The following CASKIN2 variants were observed in gnomAD, a reference collection of about 807,000 sequenced individuals.
The protein encoded by CASKIN2 is caskin-2.
In CASKIN2, 41 loss-of-function variants were observed where a neutral mutation model predicts 107.1. That is an observed-to-expected ratio of 0.38 (90% CI 0.30 to 0.50). CASKIN2 has a LOEUF of 0.50. CASKIN2 is among the 20% of genes least tolerant of loss of function. CASKIN2 has a pLI of 0.92. For missense variants in CASKIN2, 1,546 were observed against 1,657.4 expected (o/e 0.93, Z 1.17); for synonymous variants, 724 against 705.6 (o/e 1.03, Z -0.41).
At chr17:75,512,648 C>T (rs4788894) in intron 2 of CASKIN2, among the ~76,000 whole-genome samples, 80,180 of 151,962 alleles carry the variant, frequency 0.53, 24,413 homozygotes, top group Non-Finnish European at 0.69. Flanking sequence ...TGGCTCATGC[C>T]TGCAATCCTA....
rs1425651147 is a variant in CASKIN2, at chr17:75,506,866, T to C, written c.419A>G (p.Asn140Ser). 1 of 1,612,494 alleles carries C rather than the reference T, an allele frequency of 6.2e-7. No homozygotes were observed. Among genetic ancestry groups the C allele is most frequent in the Non-Finnish European group, 8.5e-7 (1 of 1,179,538 alleles). The stretch of plus-strand genomic sequence containing the variant: ...CTTGGCCTTGTTGACCAGGCATGGG[T>C]TGGACTGATGCTGGAGGAGCATTTC... ...VSEMLLQHQS[N>S]PCLVNKAKKT... Residue 140 changes from asparagine (N) to serine (S), a missense_variant, in exon 6 of 20, where the codon AAC becomes AGC. Transcript: ENST00000321617. This position sits in a 1 kb window ranked among gnomAD's most constrained non-coding sequence, Gnocchi z 4.8.
rs1272862827 is a variant in CASKIN2, at chr17:75,503,443, G to T, written c.1765C>A (p.Leu589Met). ...TCCTCCCAGGTGAGGTCGGCCACCA[G>T]CCCCATGGAGTCGTAGCCGCTGCTC... is the stretch of plus-strand genomic sequence containing the variant. ...LVSSGYDSMG[L>M]VADLTWEELQ... The change falls in exon 17 of 20, where the codon CTG becomes ATG. Residue 589 changes from leucine to methionine, a missense_variant. This residue lies in a region of CASKIN2 where 1,311 missense variants were observed against 1,311.0 expected (regional missense o/e 1.00). Coordinates refer to ENST00000321617, the MANE Select transcript of CASKIN2 (RefSeq NM_020753.5). 66 of 1,612,898 alleles carry T rather than the reference G, an allele frequency of 4.1e-5. No homozygotes were observed. The highest frequency in any genetic ancestry group is 5.4e-5 in the Non-Finnish European group (64 of 1,179,946).
chr17:75,504,807 T>C lies in CASKIN2; in HGVS notation c.1192+5A>G. 1 of 1,607,376 alleles carries C rather than the reference T, an allele frequency of 6.2e-7. No individual in the cohort carries two copies. Among genetic ancestry groups the C allele is most frequent in the Non-Finnish European group, 8.5e-7 (1 of 1,177,298 alleles). ...TGCCCAGCACTGCCCCCTGGGAGGA[T>C]GTACCTGGGCTGTCTGGGCTGAGGC... is the stretch of plus-strand genomic sequence containing the variant. On this transcript the variant is annotated splice_donor_5th_base_variant and intron_variant, in intron 11 of 19. Coordinates refer to ENST00000321617, the MANE Select transcript of CASKIN2 (RefSeq NM_020753.5).
At position 75,502,351 on chromosome 17, in the gene CASKIN2, C is replaced by T; in HGVS notation, c.2723G>A (p.Ser908Asn). Residue 908 changes from serine (S) to asparagine (N), a missense_variant, in exon 18 of 20, where the codon AGT (serine) becomes AAT (asparagine). This residue lies in a region of CASKIN2 where 1,311 missense variants were observed against 1,311.0 expected (regional missense o/e 1.00). Transcript: ENST00000321617. The surrounding 1 kb of genome is among the most constrained non-coding windows in gnomAD (Gnocchi z 4.3). ...GATGPRRRTL[S>N]EPAGPSEPPG... ...GGGCTCTGAGGGGCCAGCAGGTTCA[C>T]TCAGTGTTCGCCTTCGGGGCCCTGT... 1.3e-6 allele frequency: 2 copies of T among 1,483,422 alleles called. No homozygotes were observed. Among genetic ancestry groups the T allele is most frequent in the South Asian group, 1.4e-5 (1 of 71,222 alleles). 91.9% of individuals were successfully genotyped at this position (1,483,422 alleles called of 1,614,324 possible). A position where few individuals can be genotyped will look rare whatever the true frequency, so the allele number is the denominator to read the frequency against.
rs1024575506 is a variant in CASKIN2 at position 75,506,173 on chromosome 17, A to C, written c.726+132T>G. 3.3e-5 allele frequency: 26 copies of C among 798,628 alleles called. No individual in the cohort carries two copies. The Middle Eastern group carries it at 1.4e-3, about 42-fold the overall frequency. The allele number at this position is 798,628 out of a possible 1,614,324, so 49.5% of individuals were successfully genotyped here. A position where few individuals can be genotyped will look rare whatever the true frequency, so the allele number is the denominator to read the frequency against. On this transcript the variant is annotated intron_variant, in intron 8 of 19. Transcript: ENST00000321617. This position sits in a 1 kb window ranked among gnomAD's most constrained non-coding sequence, Gnocchi z 4.8. Reference sequence around the variant, plus strand: ...CACCGCCTCGGCACCATTCAGAAGGAAGTCAGGCCTCTTTCCTGACGCCCA... The same window carrying C: ...CACCGCCTCGGCACCATTCAGAAGGCAGTCAGGCCTCTTTCCTGACGCCCA...
At position 75,503,536 on chromosome 17, in the gene CASKIN2, G is replaced by A. The variant is rs1483669153; in HGVS notation, c.1681-9C>T. 6.2e-7 allele frequency: 1 copy of A among 1,606,778 alleles called. No individual in the cohort carries two copies. Among genetic ancestry groups the A allele is most frequent in the African/African-American group, 1.3e-5 (1 of 74,884 alleles). On this transcript the variant is annotated splice_polypyrimidine_tract_variant and intron_variant, in intron 16 of 19. Transcript: ENST00000321617. ...CACTCCAGCAGGTCCGTCTGGAAGA[G>A]CACCGTCCTCAGAACAACTCCCAGC... is the stretch of plus-strand genomic sequence containing the variant.
chr17:75,510,001 C>A, intron 2 of CASKIN2: 9 of 861,506 alleles, frequency 1.0e-5, no homozygotes, highest in Non-Finnish European at 1.3e-5. Context: ...GGGCTGGGGA[C>A]CCTGGCAGGA....
chr17:75,503,615 G>T, intron 16 of CASKIN2, 44 bp downstream of exon 16: 2 of 1,607,400 alleles, frequency 1.2e-6, no homozygotes, highest in Non-Finnish European at 1.7e-6. Context: ...ACAGCTGAGG[G>T]TGACAGCACG....
In CASKIN2 at chr17:75,505,407, C is replaced by T. The variant is rs1371087556; in HGVS notation, c.930+150G>A. On this transcript the variant is annotated intron_variant, in intron 10 of 19. Transcript: ENST00000321617. The surrounding 1 kb of genome is among the most constrained non-coding windows in gnomAD (Gnocchi z 5.1). ...TTTTGTCATCTGTAAAGAAGAAATG[C>T]TAACAGCACTGCCTTCCCTGGCTTT... 5.4e-6 allele frequency: 4 copies of T among 736,962 alleles called. No individual in the cohort carries two copies. The highest frequency in any genetic ancestry group is 2.5e-5 in the East Asian group (1 of 40,514). 45.7% of individuals were successfully genotyped at this position (736,962 alleles called of 1,614,324 possible).
rs1218182613 is a variant in CASKIN2, at chr17:75,506,927, G to T, written c.391-33C>A. 1.9e-6 allele frequency: 3 copies of T among 1,611,960 alleles called. No individual in the cohort carries two copies. The highest frequency in any genetic ancestry group is 3.3e-5 in the Admixed American group (2 of 59,820). On this transcript the variant is annotated intron_variant, in intron 5 of 19. Coordinates refer to ENST00000321617, the MANE Select transcript of CASKIN2 (RefSeq NM_020753.5). This position sits in a 1 kb window ranked among gnomAD's most constrained non-coding sequence, Gnocchi z 4.8. ...TGGGGGAGCCGAGTGAGGGGGCCTGGCCTGTCCGGCACCCCACCCTGCCCT... is the reference window on the plus strand; with the variant it reads ...TGGGGGAGCCGAGTGAGGGGGCCTGTCCTGTCCGGCACCCCACCCTGCCCT...
intron 3 of CASKIN2, 94 bp from the exon 4 acceptor site, chr17:75,507,775 C>T: frequency 1.0e-6 from 1 of 966,426 alleles, no homozygotes; most frequent in East Asian, 2.6e-5. Context: ...TGGGGGCTGG[C>T]AGGGATGGGT....
Position 75,503,893 on chromosome 17 carries a change from C to T in CASKIN2, c.1537G>A (p.Ala513Thr), listed in dbSNP as rs760560218. The change falls in exon 15 of 20, where the codon GCC (alanine) becomes ACC (threonine). Residue 513 changes from alanine to threonine, a missense_variant. Physicochemically the swap from Ala to Thr is moderately conservative, Grantham distance 58 (BLOSUM62 0). Around this residue, in one of 6 missense-constraint regions of CASKIN2, gnomAD observed 1,311 missense variants for 1,311.0 expected, o/e 1.00. Coordinates refer to ENST00000321617, the MANE Select transcript of CASKIN2 (RefSeq NM_020753.5). ...CTGATGGTAGGCACATCATAGCCGG[C>T]CTGCAGAAAGTGGGCAGTGTAGCCC... ...LEGYTAHFLQ[A>T]GYDVPTISRM... 3.1e-5 allele frequency: 50 copies of T among 1,612,718 alleles called. No homozygotes were observed. Among genetic ancestry groups the T allele is most frequent in the Non-Finnish European group, 3.4e-6 (4 of 1,179,942 alleles).
Position 75,501,128 on chromosome 17 carries a change from G to A in CASKIN2, c.3561C>T (p.Ser1187=). Residue 1187 remains serine, a synonymous_variant, in exon 20 of 20, where the codon AGC becomes AGT. Transcript: ENST00000321617. ...GGTCAGCCAGGGCGTCGAACATGGTGCTGATGTCATCCAGAATGTGCTTGG... is the reference window on the plus strand; with the variant it reads ...GGTCAGCCAGGGCGTCGAACATGGTACTGATGTCATCCAGAATGTGCTTGG... ...ASTKHILDDI[S]TMFDALADQL... The A allele has an allele frequency of 6.3e-7, 1 of 1,593,404 alleles. No individual in the cohort carries two copies. Among genetic ancestry groups the A allele is most frequent in the Non-Finnish European group, 8.5e-7 (1 of 1,169,964 alleles).
At position 75,506,898 on chromosome 17, in the gene CASKIN2, G is replaced by A; in HGVS notation, c.391-4C>T. 1.2e-6 allele frequency: 2 copies of A among 1,611,528 alleles called. No homozygotes were observed. Among genetic ancestry groups the A allele is most frequent in the African/African-American group, 1.3e-5 (1 of 74,912 alleles). On this transcript the variant is annotated splice_polypyrimidine_tract_variant and splice_region_variant and intron_variant, in intron 5 of 19. Coordinates refer to ENST00000321617, the MANE Select transcript of CASKIN2 (RefSeq NM_020753.5). This position sits in a 1 kb window ranked among gnomAD's most constrained non-coding sequence, Gnocchi z 4.8. Reference sequence around the variant, plus strand: ...GATGCTGGAGGAGCATTTCTGACTGGGGTTGGGGGAGCCGAGTGAGGGGGC... The same window carrying A: ...GATGCTGGAGGAGCATTTCTGACTGAGGTTGGGGGAGCCGAGTGAGGGGGC...
At position 75,504,975 on chromosome 17, in the gene CASKIN2, C is replaced by T. The variant is rs768513603; in HGVS notation, c.1029G>A (p.Glu343=). The T allele has an allele frequency of 7.4e-6, 12 of 1,612,216 alleles. No individual in the cohort carries two copies. The highest frequency in any genetic ancestry group is 1.0e-5 in the Non-Finnish European group (12 of 1,179,756). ...GGATGCCCACCCGCTTGCTGACCACCTCGACAATGCCCGGGGGGAAGTAGC... is the reference window on the plus strand; with the variant it reads ...GGATGCCCACCCGCTTGCTGACCACTTCGACAATGCCCGGGGGGAAGTAGC... ...RIGYFPPGIV[E]VVSKRVGIPA... The change falls in exon 11 of 20, where the codon GAG becomes GAA. Residue 343 remains glutamate, a synonymous_variant. Transcript: ENST00000321617.
At chr17:75,512,443 G>GC (rs1455807506) in intron 2 of CASKIN2, among the ~76,000 whole-genome samples, 8 of 152,168 alleles carry the variant, frequency 5.3e-5, no homozygotes, top group Admixed American at 5.2e-4. Flanking sequence ...AGGTGTGGCC[G>GC]CTTGTGCATG....
rs758363244 is a variant in CASKIN2 at position 75,504,514 on chromosome 17, T to C, written c.1315-34A>G. Reference sequence around the variant, plus strand: ...GACAGGGCAGGAGCCAACTCAGCATTTGGGGAACTGGCAGTGGGGAGTGAG... The same window carrying C: ...GACAGGGCAGGAGCCAACTCAGCATCTGGGGAACTGGCAGTGGGGAGTGAG... On this transcript the variant is annotated intron_variant, in intron 12 of 19. Coordinates refer to ENST00000321617, the MANE Select transcript of CASKIN2 (RefSeq NM_020753.5). 8 of 1,595,874 alleles carry C rather than the reference T, an allele frequency of 5.0e-6. No homozygotes were observed. The African/African-American group carries it at 9.4e-5, about 19-fold the overall frequency.
At chr17:75,513,607 A>C (rs1021825092) in intron 2 of CASKIN2, 104 bp downstream of exon 2, 2 of 934,550 alleles carry the variant, frequency 2.1e-6, no homozygotes, top group African/African-American at 1.6e-5. Context: ...AAGACAGTCC[A>C]CCCTCCTCAA....
chr17:75,507,629 A>T lies in CASKIN2; in HGVS notation c.199T>A (p.Leu67Met). The stretch of plus-strand genomic sequence containing the variant: ...ACAGTGGCCTGAGCCTCTAGCAGCA[A>T]GGCTATGAGCTCCAGGCTGCCCCCC... The part of the protein sequence containing the change: ...ALGGSLELIA[L>M]LLEAQATVDI... The change falls in exon 4 of 20, where the codon TTG (leucine) becomes ATG (methionine). Residue 67 changes from leucine to methionine, a missense_variant. Physicochemically the swap from Leu to Met is conservative, Grantham distance 15. Transcript: ENST00000321617. 1 of 1,613,282 alleles carries T rather than the reference A, an allele frequency of 6.2e-7. No individual in the cohort carries two copies. The highest frequency in any genetic ancestry group is 1.3e-5 in the African/African-American group (1 of 74,988).
Sources: gnomAD v4.1 joint callset for allele counts (sites outside exome capture counted in the v4.1 genomes callset) on GRCh38, gnomAD v4.1.1 for gene constraint, gnomAD v4.1.1 regional missense constraint, Gnocchi (gnomAD v3.1) non-coding constraint, MANE v1.5 for transcripts, NCBI Gene and HGNC (gene_info 2026-07-23, HGNC 2026-07-21) for gene names.